The following DOCK11 variants were observed in gnomAD, a reference collection of about 807,000 sequenced individuals.
The protein encoded by DOCK11 is dedicator of cytokinesis protein 11.
DOCK11 carries 70 observed loss-of-function variants against 169.1 expected under a neutral mutation model. The observed-to-expected ratio is 0.41, with a 90% CI of 0.34 to 0.51. The LOEUF (loss-of-function observed/expected upper bound fraction) is 0.51, where lower values mean the gene tolerates loss of function less well. Among genes scored for constraint, DOCK11 ranks in the 20% least tolerant of loss-of-function variants. DOCK11 has a pLI of 0.10. For synonymous variants in DOCK11, 529 were observed against 541.3 expected (o/e 0.98, Z 0.32); for missense variants, 1,166 against 1,538.8 (o/e 0.76, Z 4.05).
At chrX:118,581,191 G>T (rs2013622192) in intron 14 of DOCK11, among the ~76,000 whole-genome samples, 1 of 111,914 alleles carries the variant, frequency 8.9e-6, no homozygotes. Flanking sequence ...TATGTTCAGT[G>T]GGTGCTAGGG....
intron 1 of DOCK11, among the ~76,000 whole-genome samples, chrX:118,507,476 A>C: frequency 9.1e-6 from 1 of 110,208 alleles, no homozygotes. Context: ...CAGCCTCCCA[A>C]GTAGCTGGGA....
intron 1 of DOCK11, among the ~76,000 whole-genome samples, chrX:118,537,784 TTG>T (rs1485057627): frequency 8.9e-6 from 1 of 112,204 alleles, no homozygotes; most frequent in Non-Finnish European, 1.9e-5. Flanking sequence ...TGAGGATCCA[TTG>T]TTTCCTCTCT....
intron 12 of DOCK11, among the ~76,000 whole-genome samples, chrX:118,576,105 T>C (rs965460961): frequency 8.9e-6 from 1 of 112,234 alleles, no homozygotes; most frequent in Non-Finnish European, 1.9e-5. Context: ...GATTTGAATT[T>C]AGGTCTGTTT....
intron 23 of DOCK11, among the ~76,000 whole-genome samples, chrX:118,600,107 G>A (rs1270198614): frequency 1.8e-5 from 2 of 111,400 alleles, no homozygotes; most frequent in Non-Finnish European, 3.8e-5. Flanking sequence ...GTGGTTGTGA[G>A]ACTTAAATGA....
At chrX:118,637,080 C>T (rs1303526882) in intron 36 of DOCK11, among the ~76,000 whole-genome samples, 1 of 112,261 alleles carries the variant, frequency 8.9e-6, no homozygotes, top group Non-Finnish European at 1.9e-5. Flanking sequence ...ATACAAAACC[C>T]TTGGATTAAA....
intron 38 of DOCK11, 65 bp downstream of exon 38, chrX:118,639,642 A>C: frequency 8.2e-6 from 9 of 1,097,320 alleles, no homozygotes; most frequent in Non-Finnish European, 9.9e-6. Context: ...AATAATAAAA[A>C]CTGAAGGTGA....
intron 7 of DOCK11, among the ~76,000 whole-genome samples, chrX:118,563,379 C>T (rs1428455646): frequency 1.8e-5 from 2 of 110,815 alleles, no homozygotes; most frequent in South Asian, 3.8e-4. Flanking sequence ...AGGAGTTTGA[C>T]GCTGCAGTGA....
intron 6 of DOCK11, among the ~76,000 whole-genome samples, chrX:118,546,826 C>A (rs887509354): frequency 3.6e-5 from 4 of 110,368 alleles, no homozygotes; most frequent in African/African-American, 1.3e-4. Flanking sequence ...CCCATCTCTA[C>A]AAAAACTACA....
chrX:118,616,280 T>A, intron 30 of DOCK11: 1 of 893,958 alleles, frequency 1.1e-6, no homozygotes, highest in East Asian at 7.9e-5. Context: ...GCTTGCTGTT[T>A]TAGAAAACAA....
At chrX:118,576,384 G>C (rs2013447513) in intron 12 of DOCK11, among the ~76,000 whole-genome samples, 1 of 111,778 alleles carries the variant, frequency 8.9e-6, no homozygotes, top group South Asian at 3.7e-4. Flanking sequence ...GGGATTTCTG[G>C]GTTCTCTCTG....
chrX:118,497,973 A>G (rs2057548626), intron 1 of DOCK11, among the ~76,000 whole-genome samples: 2 of 112,622 alleles, frequency 1.8e-5, no homozygotes, highest in Admixed American at 1.9e-4. Flanking sequence ...CTTCCTGACC[A>G]TTGATTCTAT....
chrX:118,616,616 G>C (rs2014824070), intron 30 of DOCK11, among the ~76,000 whole-genome samples: 1 of 107,649 alleles, frequency 9.3e-6, no homozygotes, highest in Non-Finnish European at 1.9e-5. Flanking sequence ...GTGACACCTT[G>C]GCCACAATTT....
intron 35 of DOCK11, among the ~76,000 whole-genome samples, chrX:118,635,233 G>A (rs1277665781): frequency 8.9e-6 from 1 of 111,815 alleles, no homozygotes; most frequent in Non-Finnish European, 1.9e-5. Context: ...ATCATTGAGA[G>A]GTTCTAGCTC....
At chrX:118,666,593 A>G (rs1332917260) in intron 45 of DOCK11, among the ~76,000 whole-genome samples, 4 of 112,179 alleles carry the variant, frequency 3.6e-5, no homozygotes, top group Non-Finnish European at 7.5e-5. Context: ...TTGTCTTTAT[A>G]TACAAATTTT....
intron 41 of DOCK11, among the ~76,000 whole-genome samples, chrX:118,650,958 G>A (rs867917470): frequency 4.1e-4 from 46 of 111,694 alleles, no homozygotes; most frequent in African/African-American, 1.2e-3. Context: ...AGGTTAAATA[G>A]CTTTTCCAAA....
intron 45 of DOCK11, among the ~76,000 whole-genome samples, 166 bp downstream of exon 45, chrX:118,662,958 C>T (rs1220210604): frequency 8.9e-6 from 1 of 112,090 alleles, no homozygotes. Context: ...TTAGAGGGCC[C>T]TGTCTCTTGA....
intron 52 of DOCK11, among the ~76,000 whole-genome samples, chrX:118,685,029 AG>A (rs1211491017): frequency 9.0e-6 from 1 of 111,720 alleles, no homozygotes; most frequent in African/African-American, 3.2e-5. Context: ...TTTAAGCACA[AG>A]ATTTCTGTTG....
intron 19 of DOCK11, among the ~76,000 whole-genome samples, chrX:118,590,724 C>T (rs2072040674): frequency 8.9e-6 from 1 of 112,049 alleles, no homozygotes; most frequent in Non-Finnish European, 1.9e-5. Context: ...GGTGCAGCCT[C>T]TCTGTAACTG....
rs199641564 is a variant in DOCK11 at position 118,567,582 on chromosome X, A to G, written c.952-497A>G. 3.6e-5 allele frequency among the ~76,000 whole-genome samples: 4 copies of G among 109,663 alleles called. No homozygotes were observed. In the East Asian group the frequency reaches 1.1e-3, roughly 31 times the overall value. Reference sequence around the variant, plus strand: ...TGAGTAACTAGGATTACAGGCGCCCACCACCACGCCCAGCTAATCTTTGTA... The same window carrying G: ...TGAGTAACTAGGATTACAGGCGCCCGCCACCACGCCCAGCTAATCTTTGTA... On this transcript the variant is annotated intron_variant, in intron 9 of 52. Coordinates refer to ENST00000276202, the MANE Select transcript of DOCK11 (RefSeq NM_144658.4).
Sources: gnomAD v4.1 joint callset for allele counts (sites outside exome capture counted in the v4.1 genomes callset) on GRCh38, gnomAD v4.1.1 for gene constraint, MANE v1.5 for transcripts, NCBI Gene and HGNC (gene_info 2026-07-23, HGNC 2026-07-21) for gene names.